Variants in ATG3 observed in about 807,000 individuals in gnomAD.
ATG3 encodes the protein ubiquitin-like-conjugating enzyme ATG3.
A neutral mutation model predicts 50.7 loss-of-function variants in ATG3; 25 were observed. The observed-to-expected ratio is 0.49, with a 90% confidence interval of 0.36 to 0.69. The LOEUF is 0.69. Ranked by LOEUF, ATG3 falls within the 30% of genes least tolerant of loss-of-function variation. The pLI, the probability that ATG3 is intolerant of heterozygous loss-of-function variation, is 0.00. For synonymous variants in ATG3, 119 were observed against 125.5 expected, an observed-to-expected ratio of 0.95 and a Z score of 0.34; for missense variants, 281 against 376.0, an observed-to-expected ratio of 0.75 and a Z score of 2.09.
At chr3:112,534,794 GAC>G (rs1932980518) in intron 10 of ATG3, 1 of 130,582 alleles carries the variant, frequency 7.7e-6, no homozygotes, top group Admixed American at 7.7e-5. Flanking sequence ...AAAAAAAAAA[GAC>G]ACATGGTATC....
intron 1 of ATG3, 145 bp downstream of exon 1, chr3:112,561,311 TG>T (rs1933865286): frequency 1.3e-6 from 1 of 782,284 alleles, no homozygotes; most frequent in East Asian, 2.7e-5. Context: ...AGACTACGGG[TG>T]GGGGCTGCAC....
At position 112,553,336 on chromosome 3, in the gene ATG3, A is replaced by G. The variant is rs2107386917; in HGVS notation, c.115-7T>C. 8.1e-6 allele frequency: 13 copies of G among 1,609,884 alleles called. No homozygotes were observed. Among genetic ancestry groups the G allele is most frequent in the Non-Finnish European group, 1.1e-5 (13 of 1,176,108 alleles). ...GATCTCCAGCTGCCACAAACTATTC[A>G]GGATTTAAAAGTAATATGAAAAAAA... On this transcript the variant is annotated splice_region_variant and splice_polypyrimidine_tract_variant and intron_variant, in intron 2 of 11. Transcript: ENST00000283290.
chr3:112,537,674 A>C lies in ATG3; in HGVS notation c.666+61T>G, dbSNP rs1933107125. 3.0e-6 allele frequency: 4 copies of C among 1,322,334 alleles called. No homozygotes were observed. In the Admixed American group the frequency reaches 1.0e-4, roughly 35 times the overall value. 81.9% of individuals were successfully genotyped at this position (1,322,334 alleles called of 1,614,324 possible). On this transcript the variant is annotated intron_variant, in intron 9 of 11. Coordinates refer to ENST00000283290, the MANE Select transcript of ATG3 (RefSeq NM_022488.5). ...TAAATACTCATGGACCTAATGAAGAAGAAATTAAAACCCAACAATTTAAAA... is the reference window on the plus strand; with the variant it reads ...TAAATACTCATGGACCTAATGAAGACGAAATTAAAACCCAACAATTTAAAA...
chr3:112,544,157 CTATT>C (rs780780100), intron 5 of ATG3, 51 bp from the exon 6 acceptor site: 1 of 1,398,434 alleles, frequency 7.2e-7, no homozygotes, highest in East Asian at 2.3e-5. Flanking sequence ...TGTAAACACC[CTATT>C]TACTTATTAA....
At chr3:112,538,874 T>C (rs1415273503) in intron 7 of ATG3, among the ~76,000 whole-genome samples, 2 of 152,330 alleles carry the variant, frequency 1.3e-5, no homozygotes, top group African/African-American at 2.4e-5. Flanking sequence ...ACTGCAAATA[T>C]CACATGTCTG....
chr3:112,532,826 T>C (rs745955497), intron 11 of ATG3, 46 bp from the exon 12 acceptor site: 8 of 1,538,988 alleles, frequency 5.2e-6, no homozygotes, highest in African/African-American at 1.4e-5. Flanking sequence ...AATAGTTCTA[T>C]GTTTTAAGCC....
Position 112,561,592 on chromosome 3 carries a change from G to A in ATG3, c.-64C>T, listed in dbSNP as rs1234475965. The A allele has an allele frequency of 2.0e-6, 3 of 1,524,198 alleles. No individual in the cohort carries two copies. In the African/African-American group the frequency reaches 4.1e-5, roughly 21 times the overall value. 94.4% of individuals were successfully genotyped at this position (1,524,198 alleles called of 1,614,324 possible). On this transcript the variant is annotated 5_prime_UTR_variant, in exon 1 of 12. Coordinates refer to ENST00000283290, the MANE Select transcript of ATG3 (RefSeq NM_022488.5). The stretch of plus-strand genomic sequence containing the variant: ...GAAAGTGCAGCCGTGTCAGGGGCCA[G>A]GGAGTCAGAAAATGTCCTCGCTGCC...
chr3:112,541,794 C>G lies in ATG3; in HGVS notation c.475+9G>C. 1 of 1,603,636 alleles carries G rather than the reference C, an allele frequency of 6.2e-7. No individual in the cohort carries two copies. Among genetic ancestry groups the G allele is most frequent in the Non-Finnish European group, 8.5e-7 (1 of 1,173,506 alleles). ...TAGTGGAACTGAAGCAAATCTAGAACAGGAATACCTTCCATATCTGCAGCT... is the reference window on the plus strand; with the variant it reads ...TAGTGGAACTGAAGCAAATCTAGAAGAGGAATACCTTCCATATCTGCAGCT... On this transcript the variant is annotated intron_variant, in intron 7 of 11. Coordinates refer to ENST00000283290, the MANE Select transcript of ATG3 (RefSeq NM_022488.5).
intron 5 of ATG3, among the ~76,000 whole-genome samples, chr3:112,547,179 G>C (rs1408212702): frequency 6.6e-6 from 1 of 152,210 alleles, no homozygotes; most frequent in Non-Finnish European, 1.5e-5. Context: ...ACTGAGGGAT[G>C]CTACTGGTAT....
chr3:112,556,314 G>A (rs1175762349), intron 2 of ATG3, among the ~76,000 whole-genome samples: 1 of 151,446 alleles, frequency 6.6e-6, no homozygotes, highest in African/African-American at 2.4e-5. Flanking sequence ...GCCCCTACTG[G>A]GAAGTGAGGA....
intron 2 of ATG3, among the ~76,000 whole-genome samples, chr3:112,553,715 C>A (rs540385569): frequency 1.3e-5 from 2 of 152,056 alleles, no homozygotes; most frequent in East Asian, 3.9e-4. Flanking sequence ...CACATTCTTG[C>A]CAATGACTGA....
chr3:112,557,143 C>A (rs1576729090), intron 2 of ATG3, among the ~76,000 whole-genome samples: 1 of 151,100 alleles, frequency 6.6e-6, no homozygotes, highest in Non-Finnish European at 1.5e-5. Context: ...TTATGCAAAC[C>A]ATTTTTTTTT....
Position 112,532,661 on chromosome 3 carries a change from C to G in ATG3, c.*38G>C. On this transcript the variant is annotated 3_prime_UTR_variant, in exon 12 of 12. Coordinates refer to ENST00000283290, the MANE Select transcript of ATG3 (RefSeq NM_022488.5). Reference sequence around the variant, plus strand: ...ATCTATGGGTTAATTCTTTAAAAATCAGAACCAATAATTAGGATAGATTTT... The same window carrying G: ...ATCTATGGGTTAATTCTTTAAAAATGAGAACCAATAATTAGGATAGATTTT... 6.9e-7 allele frequency: 1 copy of G among 1,458,088 alleles called. No individual in the cohort carries two copies. Among genetic ancestry groups the G allele is most frequent in the Non-Finnish European group, 9.3e-7 (1 of 1,079,470 alleles). 90.3% of individuals were successfully genotyped at this position (1,458,088 alleles called of 1,614,324 possible).
intron 7 of ATG3, among the ~76,000 whole-genome samples, chr3:112,539,097 T>C (rs1933155583): frequency 6.6e-6 from 1 of 152,182 alleles, no homozygotes; most frequent in Non-Finnish European, 1.5e-5. Context: ...CCTACCAATG[T>C]TACGACCCTA....
rs571843098 is a variant in ATG3 at position 112,548,403 on chromosome 3, CTTT to C, written c.343+127_343+129del. ...TTCTTTTTTAAAATTTGTCCTCCTG[CTTT>C]TTTCATGTAAGTCTATTGGGACAAA... is the stretch of plus-strand genomic sequence containing the variant. On this transcript the variant is annotated intron_variant, in intron 5 of 11. Transcript: ENST00000283290. The C allele has an allele frequency of 2.0e-5, 16 of 788,660 alleles. 1 individual carries two copies. The highest frequency in any genetic ancestry group is 1.6e-4 in the African/African-American group (9 of 57,178). The allele number at this position is 788,660 out of a possible 1,614,324, so 48.9% of individuals were successfully genotyped here.
intron 2 of ATG3, among the ~76,000 whole-genome samples, chr3:112,555,794 G>A (rs1044025739): frequency 2.0e-5 from 3 of 152,202 alleles, no homozygotes; most frequent in Non-Finnish European, 2.9e-5. Context: ...GTAATAGACA[G>A]CCAGCTGGGC....
intron 6 of ATG3, 78 bp downstream of exon 6, chr3:112,543,977 TTA>T: frequency 3.0e-6 from 3 of 1,003,728 alleles, no homozygotes; most frequent in Non-Finnish European, 3.0e-6. Flanking sequence ...GATATGGTGA[TTA>T]TATATGTGTG....
intron 9 of ATG3, among the ~76,000 whole-genome samples, chr3:112,537,006 T>C (rs1246413719): frequency 6.7e-6 from 1 of 148,928 alleles, no homozygotes; most frequent in Non-Finnish European, 1.5e-5. Context: ...TCAAGGTTTA[T>C]AATATATTTA....
At chr3:112,542,100 A>G (rs1020975461) in intron 6 of ATG3, among the ~76,000 whole-genome samples, 1 of 149,912 alleles carries the variant, frequency 6.7e-6, no homozygotes, top group Non-Finnish European at 1.5e-5. Flanking sequence ...AACAAAGGTT[A>G]TTATGGGAGC....
Sources: allele counts gnomAD v4.1 joint callset (sites outside exome capture counted in the v4.1 genomes callset), GRCh38; gene constraint gnomAD v4.1.1; transcripts MANE v1.5; gene names NCBI Gene and HGNC (gene_info 2026-07-23, HGNC 2026-07-21).